Variants in PARD3B observed in about 807,000 individuals in gnomAD.
PARD3B encodes the protein par-3 family cell polarity regulator beta.
PARD3B carries 103 observed loss-of-function variants against 130.2 expected under a neutral mutation model. The observed-to-expected ratio is 0.79, with a 90% CI of 0.67 to 0.93. The LOEUF (loss-of-function observed/expected upper bound fraction) is 0.93. Among genes scored for constraint, PARD3B ranks in the 40% least tolerant of loss-of-function variants. PARD3B has a pLI of 0.00. For missense variants in PARD3B, 1,609 were observed against 1,499.2 expected, an observed-to-expected ratio of 1.07 and a Z score of -1.21; for synonymous variants, 583 against 553.2, an observed-to-expected ratio of 1.05 and a Z score of -0.76.
rs141248880 is a variant in PARD3B, at chr2:205,030,605, C to G, written c.395-16976C>G. On this transcript the variant is annotated intron_variant, in intron 3 of 22. Transcript: ENST00000406610. ...GTATGAATAGGAGAACTATTTCAGTCTTTTTATCTCTTTAAAACTAATTTA... is the reference window on the plus strand; with the variant it reads ...GTATGAATAGGAGAACTATTTCAGTGTTTTTATCTCTTTAAAACTAATTTA... 7.9e-5 allele frequency among the ~76,000 whole-genome samples: 12 copies of G among 152,198 alleles called. No homozygotes were observed. In the East Asian group the frequency reaches 2.3e-3, roughly 29 times the overall value.
chr2:205,060,620 ATCTT>A (rs1388068320), intron 4 of PARD3B, among the ~76,000 whole-genome samples: 1 of 152,120 alleles, frequency 6.6e-6, no homozygotes, highest in Non-Finnish European at 1.5e-5. Context: ...AATGCCTTCT[ATCTT>A]GAGTACAGCA....
Position 205,183,764 on chromosome 2 carries a change from GTGT to G in PARD3B, c.1925-1999_1925-1997del, listed in dbSNP as rs1312833097. Among the ~76,000 whole-genome samples, 1 of 151,358 alleles carries G rather than the reference GTGT, an allele frequency of 6.6e-6. No individual in the cohort carries two copies. The highest frequency in any genetic ancestry group is 2.4e-5 in the African/African-American group (1 of 40,998). Reference sequence around the variant, plus strand: ...TGTGTGTGTGTGTGTGTGTGTGTGTGTGTGTGTGTGAACAGATTTATGATAAGG... The same window carrying G: ...TGTGTGTGTGTGTGTGTGTGTGTGTGGTGTGTGAACAGATTTATGATAAGG... On this transcript the variant is annotated intron_variant, in intron 13 of 22. Transcript: ENST00000406610. The surrounding 1 kb of genome is among the most constrained non-coding windows in gnomAD (Gnocchi z 5.2).
intron 2 of PARD3B, among the ~76,000 whole-genome samples, chr2:204,699,013 A>G (rs866463505): frequency 6.6e-6 from 1 of 152,142 alleles, no homozygotes; most frequent in Non-Finnish European, 1.5e-5. Flanking sequence ...TTATTATCCA[A>G]TGGCATGAGA....
intron 2 of PARD3B, among the ~76,000 whole-genome samples, chr2:204,921,406 A>G (rs1318528268): frequency 6.6e-6 from 1 of 152,212 alleles, no homozygotes; most frequent in Non-Finnish European, 1.5e-5. Context: ...AATAGACCTT[A>G]TGTTAGATCA....
chr2:204,821,067 A>C (rs986857054), intron 2 of PARD3B, among the ~76,000 whole-genome samples: 6 of 152,172 alleles, frequency 3.9e-5, no homozygotes, highest in African/African-American at 1.4e-4. Context: ...TGTCGTCCAG[A>C]AGTTCTAATG....
chr2:205,021,369 A>T lies in PARD3B; in HGVS notation c.395-26212A>T, dbSNP rs1411976700. ...TAAAGTTTATTGTACATGGTAAGGA[A>T]ATTATGTATTGTAGATTTTCCTGAT... is the stretch of plus-strand genomic sequence containing the variant. On this transcript the variant is annotated intron_variant, in intron 3 of 22. Coordinates refer to ENST00000406610, the MANE Select transcript of PARD3B (RefSeq NM_001302769.2). The surrounding 1 kb of genome is among the most constrained non-coding windows in gnomAD (Gnocchi z 4.5). Among the ~76,000 whole-genome samples the T allele has an allele frequency of 6.6e-6, 1 of 152,062 alleles. No individual in the cohort carries two copies. Among genetic ancestry groups the T allele is most frequent in the East Asian group, 1.9e-4 (1 of 5,176 alleles).
intron 2 of PARD3B, among the ~76,000 whole-genome samples, chr2:204,705,654 C>T (rs2038106962): frequency 6.6e-6 from 1 of 152,032 alleles, no homozygotes; most frequent in Admixed American, 6.5e-5. Flanking sequence ...TCTGTCAAGC[C>T]ACTGACTGAC....
At chr2:204,822,436 A>T (rs1160076973) in intron 2 of PARD3B, among the ~76,000 whole-genome samples, 3 of 152,222 alleles carry the variant, frequency 2.0e-5, no homozygotes, top group Non-Finnish European at 4.4e-5. Context: ...ATATTTCATA[A>T]ACTGAGTTTA....
At chr2:205,361,450 T>G (rs1449813182) in intron 18 of PARD3B, among the ~76,000 whole-genome samples, 1 of 152,184 alleles carries the variant, frequency 6.6e-6, no homozygotes, top group African/African-American at 2.4e-5. Flanking sequence ...GAATTCTTCT[T>G]GCCTAATCCT....
chr2:204,608,692 T>C (rs1173011604), intron 1 of PARD3B, among the ~76,000 whole-genome samples: 1 of 152,210 alleles, frequency 6.6e-6, no homozygotes, highest in African/African-American at 2.4e-5. Flanking sequence ...AGACAGTAGA[T>C]TATGATGCCC....
intron 3 of PARD3B, among the ~76,000 whole-genome samples, chr2:204,985,727 A>G (rs532999179): frequency 6.6e-6 from 1 of 152,248 alleles, no homozygotes; most frequent in South Asian, 2.1e-4. Flanking sequence ...CTGGTTTCAT[A>G]TGGGGGGAAG....
At chr2:205,498,267 C>A (rs575209936) in intron 20 of PARD3B, among the ~76,000 whole-genome samples, 1 of 149,718 alleles carries the variant, frequency 6.7e-6, no homozygotes, top group Non-Finnish European at 1.5e-5. Context: ...TTTGGGAGGC[C>A]GAGGCGAGTG....
chr2:205,430,442 ATTTAAAT>A (rs2047292500), intron 19 of PARD3B, among the ~76,000 whole-genome samples: 1 of 152,222 alleles, frequency 6.6e-6, no homozygotes, highest in Non-Finnish European at 1.5e-5. Flanking sequence ...AATTTAATTC[ATTTAAAT>A]TTTAATTAAA....
chr2:204,557,462 C>T (rs758615473), intron 1 of PARD3B, among the ~76,000 whole-genome samples: 2 of 152,186 alleles, frequency 1.3e-5, no homozygotes, highest in Middle Eastern at 3.2e-3. Context: ...CTTGGATCTG[C>T]TTCCTCCTTA....
chr2:204,831,090 T>C (rs879894840), intron 2 of PARD3B, among the ~76,000 whole-genome samples: 3 of 152,220 alleles, frequency 2.0e-5, no homozygotes, highest in Non-Finnish European at 2.9e-5. Context: ...GTAACTAAAT[T>C]CTGTTGTCTG....
At chr2:204,891,729 C>T (rs2125690092) in intron 2 of PARD3B, among the ~76,000 whole-genome samples, 1 of 152,270 alleles carries the variant, frequency 6.6e-6, no homozygotes, top group East Asian at 1.9e-4. Flanking sequence ...TACCATTTGC[C>T]AGCTAATATT....
intron 1 of PARD3B, among the ~76,000 whole-genome samples, chr2:204,556,446 T>C (rs973621594): frequency 6.6e-6 from 1 of 152,198 alleles, no homozygotes; most frequent in South Asian, 2.1e-4. Context: ...AGTTTTGCTT[T>C]AGTGGTATGT....
intron 2 of PARD3B, among the ~76,000 whole-genome samples, chr2:204,745,538 G>A (rs2125373367): frequency 6.6e-6 from 1 of 151,952 alleles, no homozygotes; most frequent in Non-Finnish European, 1.5e-5. Flanking sequence ...GAGTAGCTGG[G>A]ATTACAGGCA....
At chr2:205,577,673 TG>T in intron 22 of PARD3B, among the ~76,000 whole-genome samples, 1 of 152,326 alleles carries the variant, frequency 6.6e-6, no homozygotes, top group Middle Eastern at 3.4e-3. Flanking sequence ...CGCTTGGCAA[TG>T]TTTTTTTCTT....
Sources: allele counts gnomAD v4.1 joint callset (sites outside exome capture counted in the v4.1 genomes callset), GRCh38; gene constraint gnomAD v4.1.1; non-coding constraint Gnocchi (gnomAD v3.1); transcripts MANE v1.5; gene names NCBI Gene and HGNC (gene_info 2026-07-23, HGNC 2026-07-21).